ASIC2: variants seen among roughly 807,000 people sequenced by gnomAD.
The protein encoded by ASIC2 is acid-sensing ion channel 2.
ASIC2 carries 25 observed loss-of-function variants against 57.3 expected under a neutral mutation model. That is an observed-to-expected ratio of 0.44 (90% CI 0.32 to 0.61). ASIC2 has a LOEUF of 0.61. Ranked by LOEUF, ASIC2 falls within the 20% of genes least tolerant of loss-of-function variation. The pLI, the probability that ASIC2 is intolerant of heterozygous loss-of-function variation, is 0.06. For missense variants in ASIC2, 641 were observed against 738.1 expected (o/e 0.87, Z 1.52); for synonymous variants, 319 against 307.5 (o/e 1.04, Z -0.39).
At chr17:33,564,547 A>T (rs1916172300) in intron 1 of ASIC2, among the ~76,000 whole-genome samples, 1 of 152,200 alleles carries the variant, frequency 6.6e-6, no homozygotes, top group Non-Finnish European at 1.5e-5. Flanking sequence ...CTTTCTGCAA[A>T]TAGGAATATC....
chr17:33,392,152 T>C (rs2141953231), intron 1 of ASIC2, among the ~76,000 whole-genome samples: 1 of 151,984 alleles, frequency 6.6e-6, no homozygotes, highest in Middle Eastern at 3.4e-3. Context: ...GAAAGTCCCC[T>C]TTTTCTTTCT....
At chr17:33,950,793 T>C (rs1448105454) in intron 1 of ASIC2, among the ~76,000 whole-genome samples, 1 of 152,224 alleles carries the variant, frequency 6.6e-6, no homozygotes, top group Non-Finnish European at 1.5e-5. Context: ...TGGGTGGTCC[T>C]GAAGGCAGCT....
chr17:33,796,543 T>G (rs1052453743), intron 1 of ASIC2, among the ~76,000 whole-genome samples: 4 of 152,196 alleles, frequency 2.6e-5, no homozygotes, highest in Non-Finnish European at 5.9e-5. Context: ...TTAGCTAGCC[T>G]GTATAATGTA....
intron 1 of ASIC2, among the ~76,000 whole-genome samples, chr17:33,325,509 G>A (rs537516805): frequency 2.0e-5 from 3 of 152,264 alleles, no homozygotes; most frequent in African/African-American, 7.2e-5. Context: ...TGGTGCATGG[G>A]GAATGGAGAA....
intron 1 of ASIC2, among the ~76,000 whole-genome samples, chr17:33,138,347 G>A (rs1411659454): frequency 6.6e-6 from 1 of 152,142 alleles, no homozygotes; most frequent in African/African-American, 2.4e-5. Flanking sequence ...CAGGAACCCT[G>A]AGGATTATTT....
At position 33,299,469 on chromosome 17, in the gene ASIC2, G is replaced by A. The variant is rs1905860736; in HGVS notation, c.556-187402C>T. On this transcript the variant is annotated intron_variant, in intron 1 of 9. Coordinates refer to the ASIC2 transcript ENST00000359872. ...TTCCCTTCCTTCCACCATGGAACTGGCACTGGAGTTGTTGTTCCTTCCTTC... is the reference window on the plus strand; with the variant it reads ...TTCCCTTCCTTCCACCATGGAACTGACACTGGAGTTGTTGTTCCTTCCTTC... 2.0e-5 allele frequency among the ~76,000 whole-genome samples: 3 copies of A among 152,198 alleles called. No individual in the cohort carries two copies. The South Asian group carries it at 6.2e-4, about 32-fold the overall frequency.
chr17:33,599,826 G>T (rs1270623528), intron 1 of ASIC2, among the ~76,000 whole-genome samples: 1 of 152,078 alleles, frequency 6.6e-6, no homozygotes. Flanking sequence ...GGGGAGGGTT[G>T]GTGAGCTCTA....
At chr17:33,603,199 C>A (rs550363029) in intron 1 of ASIC2, among the ~76,000 whole-genome samples, 1 of 152,208 alleles carries the variant, frequency 6.6e-6, no homozygotes, top group African/African-American at 2.4e-5. Flanking sequence ...ACAGAGCCCC[C>A]GTTTAGTGTG....
At chr17:33,654,604 T>C (rs1156989922) in intron 1 of ASIC2, among the ~76,000 whole-genome samples, 1 of 152,254 alleles carries the variant, frequency 6.6e-6, no homozygotes, top group Non-Finnish European at 1.5e-5. Flanking sequence ...CACCATTGTG[T>C]ATAACATCTT....
chr17:33,817,742 AT>A (rs1567724238), intron 1 of ASIC2, among the ~76,000 whole-genome samples: 1 of 152,166 alleles, frequency 6.6e-6, no homozygotes, highest in Non-Finnish European at 1.5e-5. Flanking sequence ...TTATTAAAAT[AT>A]TTATTTTCCT....
intron 1 of ASIC2, among the ~76,000 whole-genome samples, chr17:33,933,809 C>T (rs571555125): frequency 1.3e-5 from 2 of 152,328 alleles, no homozygotes; most frequent in South Asian, 4.1e-4. Context: ...GCACGTGGGG[C>T]CAACCTAGAC....
At position 33,730,908 on chromosome 17, in the gene ASIC2, T is replaced by C. The variant is rs991747846; in HGVS notation, c.555+425070A>G. 3.3e-5 allele frequency among the ~76,000 whole-genome samples: 5 copies of C among 152,344 alleles called. No individual in the cohort carries two copies. In the South Asian group the frequency reaches 1.0e-3, roughly 32 times the overall value. On this transcript the variant is annotated intron_variant, in intron 1 of 9. Coordinates refer to the ASIC2 transcript ENST00000359872. Reference sequence around the variant, plus strand: ...TTCAGAGACCTGAAATTGATCCTACTCTTCTGTGGATGGTGTCTGTTCACA... The same window carrying C: ...TTCAGAGACCTGAAATTGATCCTACCCTTCTGTGGATGGTGTCTGTTCACA...
intron 1 of ASIC2, among the ~76,000 whole-genome samples, chr17:33,426,117 G>A (rs1911211755): frequency 6.6e-6 from 1 of 152,158 alleles, no homozygotes; most frequent in South Asian, 2.1e-4. Context: ...GGCTGTTGTT[G>A]AACTATTTGT....
chr17:33,702,309 G>GA (rs918309506), intron 1 of ASIC2, among the ~76,000 whole-genome samples: 1 of 145,764 alleles, frequency 6.9e-6, no homozygotes, highest in African/African-American at 2.8e-5. Flanking sequence ...TGGGGTTAGA[G>GA]GGGGGGTATC....
rs989428811 is a variant in ASIC2 at position 33,621,644 on chromosome 17, C to G, written c.556-509577G>C. On this transcript the variant is annotated intron_variant, in intron 1 of 9. Transcript: ENST00000359872. The stretch of plus-strand genomic sequence containing the variant: ...GAGCTGACACCTGGCCAGGCTGTGC[C>G]TTGGGGTCAGTGTGTCGGAATCAGG... Among the ~76,000 whole-genome samples, 4 of 152,192 alleles carry G rather than the reference C, an allele frequency of 2.6e-5. No homozygotes were observed. The East Asian group carries it at 7.7e-4, about 29-fold the overall frequency.
chr17:33,019,643 G>A (rs983656728), intron 7 of ASIC2, among the ~76,000 whole-genome samples: 6 of 152,032 alleles, frequency 3.9e-5, no homozygotes, highest in Non-Finnish European at 5.9e-5. Context: ...GTTTGCAAGC[G>A]GCACACGCTC....
intron 1 of ASIC2, among the ~76,000 whole-genome samples, chr17:34,117,512 G>A (rs1322580747): frequency 2.6e-5 from 4 of 152,184 alleles, no homozygotes; most frequent in Non-Finnish European, 5.9e-5. Flanking sequence ...TTTAGTACCT[G>A]AAGCATGGGT....
intron 1 of ASIC2, chr17:33,291,117 A>C (rs111531488): frequency 0.016 from 7,818 of 475,310 alleles, 118 homozygotes; most frequent in Admixed American, 0.043. Context: ...TAATATTCAC[A>C]GACGGGACCA....
At chr17:34,075,657 T>C (rs1227576079) in intron 1 of ASIC2, among the ~76,000 whole-genome samples, 1 of 151,988 alleles carries the variant, frequency 6.6e-6, no homozygotes, top group Non-Finnish European at 1.5e-5. Context: ...CCCATCACCA[T>C]GTGATATCCC....
Sources: allele counts gnomAD v4.1 joint callset (sites outside exome capture counted in the v4.1 genomes callset), GRCh38; gene constraint gnomAD v4.1.1; transcripts MANE v1.5; gene names NCBI Gene and HGNC (gene_info 2026-07-23, HGNC 2026-07-21).